CACNA1B: variants seen among roughly 807,000 people sequenced by gnomAD.
CACNA1B encodes the protein calcium voltage-gated channel subunit alpha1 B.
CACNA1B carries 70 observed loss-of-function variants against 247.2 expected under a neutral mutation model. That is an observed-to-expected ratio of 0.28 (90% CI 0.23 to 0.35). The LOEUF is 0.35. Among genes scored for constraint, CACNA1B ranks in the 10% least tolerant of loss-of-function variants. CACNA1B has a pLI of 1.00. For missense variants in CACNA1B, 2,367 were observed against 3,197.4 expected, an observed-to-expected ratio of 0.74 and a Z score of 6.26; for synonymous variants, 1,231 against 1,294.4, an observed-to-expected ratio of 0.95 and a Z score of 1.05.
rs1208881278 is a variant in CACNA1B, at chr9:137,974,363, A to G, written c.1544-1544A>G. 1.3e-5 allele frequency among the ~76,000 whole-genome samples: 2 copies of G among 152,026 alleles called. No homozygotes were observed. The highest frequency in any genetic ancestry group is 1.5e-5 in the Non-Finnish European group (1 of 68,002). On this transcript the variant is annotated intron_variant, in intron 11 of 46. Transcript: ENST00000371372. The surrounding 1 kb of genome is among the most constrained non-coding windows in gnomAD (Gnocchi z 4.5). The stretch of plus-strand genomic sequence containing the variant: ...CACTGCTTGGCCTTGTTATCATCCC[A>G]TGCTTAGCTTGAGTGCCTGGTGATT...
chr9:138,119,651 G>A (rs982845609), intron 44 of CACNA1B, among the ~76,000 whole-genome samples: 14 of 151,964 alleles, frequency 9.2e-5, no homozygotes, highest in Non-Finnish European at 1.9e-4. Flanking sequence ...CTCTTTCCCC[G>A]CCCAGTGGTA....
chr9:138,115,269 C>G (rs1222220249), intron 41 of CACNA1B, among the ~76,000 whole-genome samples: 1 of 152,174 alleles, frequency 6.6e-6, no homozygotes, highest in Non-Finnish European at 1.5e-5. Flanking sequence ...GACAGGGAAA[C>G]TGAGGTTTTG....
chr9:138,092,027 A>C (rs1303066233), intron 36 of CACNA1B, among the ~76,000 whole-genome samples: 1 of 152,188 alleles, frequency 6.6e-6, no homozygotes, highest in Non-Finnish European at 1.5e-5. Flanking sequence ...ACAGGGAGTA[A>C]GACACAAAGA....
At chr9:138,070,941 G>A (rs1023194826) in intron 32 of CACNA1B, among the ~76,000 whole-genome samples, 1 of 152,224 alleles carries the variant, frequency 6.6e-6, no homozygotes, top group African/African-American at 2.4e-5. Context: ...GGCCCACATC[G>A]GGGCCCACAG....
At chr9:137,960,538 G>C (rs1022064978) in intron 10 of CACNA1B, among the ~76,000 whole-genome samples, 1 of 150,700 alleles carries the variant, frequency 6.6e-6, no homozygotes, top group South Asian at 2.1e-4. Flanking sequence ...CCAGGGGAGA[G>C]AGGGGAGGTC....
intron 35 of CACNA1B, among the ~76,000 whole-genome samples, chr9:138,076,957 G>A (rs1214318375): frequency 1.3e-5 from 2 of 152,190 alleles, no homozygotes; most frequent in Non-Finnish European, 2.9e-5. Context: ...ATGTTGTTTG[G>A]CTGGGCTTTA....
chr9:138,120,637 G>T lies in CACNA1B; in HGVS notation c.6245G>T (p.Ser2082Ile). Residue 2082 changes from serine (S) to isoleucine (I), a missense_variant, in exon 46 of 47, where the codon AGC becomes ATC. Physicochemically the swap from Ser to Ile is moderately radical, Grantham distance 142. Around this residue, in one of 12 missense-constraint regions of CACNA1B, gnomAD observed 773 missense variants for 779.4 expected, o/e 0.99. Transcript: ENST00000371372. Reference protein sequence around the residue: ...SLSADMDGAPSSAVGPGLPPG... With the variant: ...SLSADMDGAPISAVGPGLPPG... ...TCTTCTCTTCCCTGGCCAGCACCAA[G>T]CAGTGCTGTGGGGCCGGGGCTGCCC... is the stretch of plus-strand genomic sequence containing the variant. 1 of 1,499,450 alleles carries T rather than the reference G, an allele frequency of 6.7e-7. No homozygotes were observed. The allele number at this position is 1,499,450 out of a possible 1,614,324, so 92.9% of individuals were successfully genotyped here.
At chr9:138,118,118 G>T (rs753019205) in intron 43 of CACNA1B, 37 bp downstream of exon 43, 6 of 1,465,378 alleles carry the variant, frequency 4.1e-6, no homozygotes, top group Middle Eastern at 1.9e-4. Context: ...CTGGGTTGGG[G>T]GATGTGTGAA....
At chr9:138,055,277 G>A (rs1453611874) in intron 26 of CACNA1B, among the ~76,000 whole-genome samples, 2 of 151,812 alleles carry the variant, frequency 1.3e-5, no homozygotes, top group Non-Finnish European at 1.5e-5. Context: ...CTACAGGCAC[G>A]TGCCACCATG....
chr9:138,088,702 C>G (rs1960781363), intron 36 of CACNA1B, among the ~76,000 whole-genome samples: 1 of 151,808 alleles, frequency 6.6e-6, no homozygotes, highest in African/African-American at 2.4e-5. Context: ...CGTTTGTAAT[C>G]CCAGCGCTTT....
intron 5 of CACNA1B, among the ~76,000 whole-genome samples, chr9:137,915,798 C>A (rs1243755942): frequency 1.4e-5 from 2 of 144,920 alleles, no homozygotes; most frequent in African/African-American, 5.1e-5. Context: ...ATGGCCAGGT[C>A]ATGAGACAAG....
chr9:138,119,724 C>T (rs1452606544), intron 44 of CACNA1B, among the ~76,000 whole-genome samples: 3 of 152,168 alleles, frequency 2.0e-5, no homozygotes, highest in Non-Finnish European at 2.9e-5. Flanking sequence ...TGTGCTGGGG[C>T]CTCCTCCTTC....
chr9:137,929,521 C>T (rs1957586635), intron 6 of CACNA1B, among the ~76,000 whole-genome samples: 1 of 152,172 alleles, frequency 6.6e-6, no homozygotes, highest in Non-Finnish European at 1.5e-5. Context: ...CGCCACTGCA[C>T]TCTAGCCTGT....
chr9:138,016,730 C>G (rs1456756675), intron 18 of CACNA1B, among the ~76,000 whole-genome samples: 3 of 152,146 alleles, frequency 2.0e-5, no homozygotes, highest in African/African-American at 7.2e-5. Context: ...GCTGCCCCAT[C>G]TTGAGGGCCG....
intron 16 of CACNA1B, among the ~76,000 whole-genome samples, chr9:138,009,176 C>A (rs1402093511): frequency 6.6e-6 from 1 of 152,228 alleles, no homozygotes; most frequent in Non-Finnish European, 1.5e-5. Context: ...GCCGCACACC[C>A]CAGGCGGTGC....
intron 20 of CACNA1B, among the ~76,000 whole-genome samples, chr9:138,041,692 C>A (rs143774720): frequency 2.6e-5 from 4 of 152,116 alleles, no homozygotes; most frequent in African/African-American, 9.7e-5. Flanking sequence ...CTGTTTATTT[C>A]GAGCAGCAGA....
Position 137,891,949 on chromosome 9 carries a change from C to T in CACNA1B, c.530+9066C>T. The T allele has an allele frequency of 2.4e-6, 1 of 424,464 alleles. No homozygotes were observed. Among genetic ancestry groups the T allele is most frequent in the Non-Finnish European group, 4.8e-6 (1 of 209,728 alleles). The allele number at this position is 424,464 out of a possible 1,614,324, so 26.3% of individuals were successfully genotyped here. ...GCTGGGCAGGCCCTTCTAGCCAATGCCACCCTCCCTGTCTCCCCTGAGAGC... is the reference window on the plus strand; with the variant it reads ...GCTGGGCAGGCCCTTCTAGCCAATGTCACCCTCCCTGTCTCCCCTGAGAGC... On this transcript the variant is annotated intron_variant, in intron 3 of 46. Transcript: ENST00000371372. This position sits in a 1 kb window ranked among gnomAD's most constrained non-coding sequence, Gnocchi z 4.3.
At position 138,107,267 on chromosome 9, in the gene CACNA1B, T is replaced by TTTATTTATTTATTTATG. The variant is rs1554759296; in HGVS notation, c.5428+1460_5428+1461insTTATTTATTTATTTATG. 5.4e-5 allele frequency among the ~76,000 whole-genome samples: 8 copies of TTTATTTATTTATTTATG among 147,404 alleles called. No homozygotes were observed. The East Asian group carries it at 1.0e-3, about 18-fold the overall frequency. On this transcript the variant is annotated intron_variant, in intron 39 of 46. Coordinates refer to ENST00000371372, the MANE Select transcript of CACNA1B (RefSeq NM_000718.4). Reference sequence around the variant, plus strand: ...ATTTATTTATTTATTTATTTATTTATATAGGGTCTCACTGTGTCACCCAGG... The same window carrying TTTATTTATTTATTTATG: ...ATTTATTTATTTATTTATTTATTTATTTATTTATTTATTTATGATAGGGTCTCACTGTGTCACCCAGG...
chr9:138,105,039 C>T (rs1324361975), intron 38 of CACNA1B, among the ~76,000 whole-genome samples: 1 of 152,262 alleles, frequency 6.6e-6, no homozygotes, highest in East Asian at 1.9e-4. Flanking sequence ...CAGCCTCAGC[C>T]TGCAGCCCTG....
Sources: allele counts gnomAD v4.1 joint callset (sites outside exome capture counted in the v4.1 genomes callset), GRCh38; gene constraint gnomAD v4.1.1; regional missense constraint gnomAD v4.1.1; non-coding constraint Gnocchi (gnomAD v3.1); transcripts MANE v1.5; gene names NCBI Gene and HGNC (gene_info 2026-07-23, HGNC 2026-07-21).